CDH13: variants seen among roughly 807,000 people sequenced by gnomAD.
The protein encoded by CDH13 is cadherin-13.
A neutral mutation model predicts 63.8 loss-of-function variants in CDH13; 24 were observed. The ratio of observed to expected loss-of-function variants is 0.38; its 90% CI spans 0.27 to 0.53. The LOEUF is 0.53. Ranked by LOEUF, CDH13 falls within the 20% of genes least tolerant of loss-of-function variation. CDH13 has a pLI of 0.85. For synonymous variants in CDH13, 503 were observed against 355.3 expected, an observed-to-expected ratio of 1.42 and a Z score of -4.67; for missense variants, 1,049 against 903.1, an observed-to-expected ratio of 1.16 and a Z score of -2.07.
chr16:83,426,543 A>ACACACT (rs1441917804), intron 6 of CDH13, among the ~76,000 whole-genome samples: 5 of 136,128 alleles, frequency 3.7e-5, no homozygotes, highest in Non-Finnish European at 6.5e-5. Context: ...ACACACACAC[A>ACACACT]CTCATGTGGT....
rs111277070 is a variant in CDH13 at position 83,480,079 on chromosome 16, C to T, written c.782-6398C>T. On this transcript the variant is annotated intron_variant, in intron 6 of 13. Coordinates refer to ENST00000567109, the MANE Select transcript of CDH13 (RefSeq NM_001257.5). The stretch of plus-strand genomic sequence containing the variant: ...ATGGCTCACATCTGTAATCCCAGCA[C>T]TTTGGGAGGACAACGTGGGCAGATC... Among the ~76,000 whole-genome samples, 1,374 of 152,266 alleles carry T rather than the reference C, an allele frequency of 9.0e-3. 15 individuals carry two copies. Among genetic ancestry groups the T allele is most frequent in the African/African-American group, 0.031 (1,306 of 41,534 alleles).
intron 5 of CDH13, among the ~76,000 whole-genome samples, chr16:83,278,117 T>TA (rs953135854): frequency 7.5e-4 from 113 of 151,454 alleles, no homozygotes; most frequent in Middle Eastern, 3.4e-3. Context: ...TGCTTTCCTT[T>TA]AAAAAAAAAT....
chr16:83,546,920 G>T (rs2075397187), intron 7 of CDH13, among the ~76,000 whole-genome samples: 1 of 152,196 alleles, frequency 6.6e-6, no homozygotes. Context: ...CTTGCAAAAT[G>T]CAGAAATGAA....
intron 6 of CDH13, among the ~76,000 whole-genome samples, chr16:83,386,808 C>T (rs865859358): frequency 6.6e-6 from 1 of 152,192 alleles, no homozygotes; most frequent in African/African-American, 2.4e-5. Context: ...CAGGGGTGTC[C>T]CCACTGTGAT....
chr16:82,849,386 C>G (rs1367672074), intron 1 of CDH13, among the ~76,000 whole-genome samples: 2 of 152,110 alleles, frequency 1.3e-5, no homozygotes. Context: ...CCTGTAATAC[C>G]AGCTACTCGG....
At chr16:82,845,510 C>T (rs1302962283) in intron 1 of CDH13, among the ~76,000 whole-genome samples, 1 of 152,124 alleles carries the variant, frequency 6.6e-6, no homozygotes, top group African/African-American at 2.4e-5. Context: ...CCAGCATCAT[C>T]CTCTATTGGG....
At chr16:82,742,176 A>G (rs2033961347) in intron 1 of CDH13, among the ~76,000 whole-genome samples, 1 of 152,204 alleles carries the variant, frequency 6.6e-6, no homozygotes, top group African/African-American at 2.4e-5. Flanking sequence ...AGCACAAGAA[A>G]TGAGAATCTT....
chr16:83,284,097 A>G (rs1186644503), intron 5 of CDH13, among the ~76,000 whole-genome samples: 3 of 152,228 alleles, frequency 2.0e-5, no homozygotes, highest in Non-Finnish European at 4.4e-5. Flanking sequence ...TTAGCTTCAC[A>G]GACAGCCTTA....
chr16:83,207,611 G>T (rs980262048), intron 4 of CDH13, among the ~76,000 whole-genome samples: 5 of 151,846 alleles, frequency 3.3e-5, no homozygotes, highest in Admixed American at 2.0e-4. Flanking sequence ...TGTGTCTATG[G>T]GTCACTTAGT....
At chr16:83,334,187 A>G (rs1212168414) in intron 5 of CDH13, among the ~76,000 whole-genome samples, 1 of 151,062 alleles carries the variant, frequency 6.6e-6, no homozygotes, top group Non-Finnish European at 1.5e-5. Flanking sequence ...CCTCTTAACG[A>G]CTCATGATTA....
intron 3 of CDH13, among the ~76,000 whole-genome samples, chr16:83,085,636 A>G (rs529515923): frequency 6.6e-6 from 1 of 152,244 alleles, no homozygotes; most frequent in African/African-American, 2.4e-5. Context: ...CACAGCAAGC[A>G]TTTGGCTGTT....
intron 7 of CDH13, among the ~76,000 whole-genome samples, chr16:83,489,824 C>T (rs995229096): frequency 6.6e-6 from 1 of 152,174 alleles, no homozygotes; most frequent in Non-Finnish European, 1.5e-5. Flanking sequence ...CAGACTTTTG[C>T]AGCATTCATT....
intron 1 of CDH13, among the ~76,000 whole-genome samples, chr16:82,796,918 C>T (rs1007463057): frequency 1.3e-5 from 2 of 152,206 alleles, no homozygotes; most frequent in Admixed American, 6.5e-5. Flanking sequence ...ATTGACTCTG[C>T]TCAGATTACA....
At chr16:83,046,940 C>T (rs1016661340) in intron 3 of CDH13, among the ~76,000 whole-genome samples, 1 of 152,218 alleles carries the variant, frequency 6.6e-6, no homozygotes, top group African/African-American at 2.4e-5. Flanking sequence ...TCCCCGATGG[C>T]TACACTGTGT....
At chr16:82,750,578 C>A (rs2034372201) in intron 1 of CDH13, among the ~76,000 whole-genome samples, 1 of 152,158 alleles carries the variant, frequency 6.6e-6, no homozygotes, top group Admixed American at 6.6e-5. Flanking sequence ...GAAAGCTGAG[C>A]CCATTTTTGT....
At chr16:83,535,009 C>A (rs1459936745) in intron 7 of CDH13, among the ~76,000 whole-genome samples, 1 of 152,234 alleles carries the variant, frequency 6.6e-6, no homozygotes, top group African/African-American at 2.4e-5. Flanking sequence ...TTAGTTTAAT[C>A]ATATCTGCAG....
At chr16:82,761,678 T>A (rs999981634) in intron 1 of CDH13, among the ~76,000 whole-genome samples, 4 of 152,232 alleles carry the variant, frequency 2.6e-5, no homozygotes, top group Non-Finnish European at 5.9e-5. Context: ...TTCACTTGTT[T>A]CATATCTCAA....
intron 8 of CDH13, among the ~76,000 whole-genome samples, chr16:83,648,903 C>T (rs1347010987): frequency 1.3e-5 from 2 of 151,888 alleles, no homozygotes; most frequent in East Asian, 3.9e-4. Context: ...CTTTTCCTGC[C>T]TTCTTTTTCT....
intron 1 of CDH13, among the ~76,000 whole-genome samples, chr16:82,672,337 C>T (rs778302061): frequency 6.6e-6 from 1 of 152,152 alleles, no homozygotes. Context: ...TACTGAGCAT[C>T]CGACTTAGAA....
Sources: allele counts gnomAD v4.1 joint callset (sites outside exome capture counted in the v4.1 genomes callset), GRCh38; gene constraint gnomAD v4.1.1; transcripts MANE v1.5; gene names NCBI Gene and HGNC (gene_info 2026-07-23, HGNC 2026-07-21).